Variants in TYK2 observed in about 807,000 individuals in gnomAD.
TYK2 encodes the protein tyrosine kinase 2.
TYK2 carries 65 observed loss-of-function variants against 130.9 expected under a neutral mutation model. The ratio of observed to expected loss-of-function variants is 0.50; its 90% confidence interval spans 0.41 to 0.61. The LOEUF (loss-of-function observed/expected upper bound fraction) is 0.61, where lower values mean the gene tolerates loss of function less well. Among genes scored for constraint, TYK2 ranks in the 20% least tolerant of loss-of-function variants. The probability of loss-of-function intolerance (pLI) is 0.00; values close to 1 mark genes in which losing one functional copy is unlikely to be tolerated. For missense variants in TYK2, 1,378 were observed against 1,610.7 expected (o/e 0.86, Z 2.47); for synonymous variants, 647 against 658.9 (o/e 0.98, Z 0.28).
Position 10,368,095 on chromosome 19 carries a change from T to C in TYK2, c.425A>G (p.Gln142Arg). 1 of 1,614,062 alleles carries C rather than the reference T, an allele frequency of 6.2e-7. No individual in the cohort carries two copies. Among genetic ancestry groups the C allele is most frequent in the Non-Finnish European group, 8.5e-7 (1 of 1,179,996 alleles). ...ASSDQTAQGM[Q>R]LLDPASFEYL... ...CTCAAATGAGGCTGGGTCCAGGAGT[T>C]GCATCCCCTGTGCTGTCTGATCTGA... Residue 142 changes from glutamine (Q) to arginine (R), a missense_variant, in exon 5 of 25, where the codon CAA becomes CGA. Transcript: ENST00000525621.
At position 10,361,104 on chromosome 19, in the gene TYK2, C is replaced by T. The variant is rs796400616; in HGVS notation, c.2047+407G>A. ...GAGGAAAGGAAGAGGTGGGGTTAGGCAGGGTTGGATGTGCAGGGGCTGAGG... is the reference window on the plus strand; with the variant it reads ...GAGGAAAGGAAGAGGTGGGGTTAGGTAGGGTTGGATGTGCAGGGGCTGAGG... On this transcript the variant is annotated intron_variant, in intron 14 of 24. Coordinates refer to ENST00000525621, the MANE Select transcript of TYK2 (RefSeq NM_003331.5). This position sits in a 1 kb window ranked among gnomAD's most constrained non-coding sequence, Gnocchi z 4.0. The T allele has an allele frequency of 2.5e-5, 12 of 486,088 alleles. No homozygotes were observed. The highest frequency in any genetic ancestry group is 2.3e-4 in the African/African-American group (12 of 51,402). The allele number at this position is 486,088 out of a possible 1,614,324, so 30.1% of individuals were successfully genotyped here. A position where few individuals can be genotyped will look rare whatever the true frequency, so the allele number is the denominator to read the frequency against.
intron 2 of TYK2, among the ~76,000 whole-genome samples, chr19:10,378,834 TA>T: frequency 1.7e-4 from 1 of 5,800 alleles, no homozygotes; most frequent in East Asian, 3.3e-3. Flanking sequence ...TTTTATTTTA[TA>T]TCTTATCTTA....
intron 3 of TYK2, among the ~76,000 whole-genome samples, chr19:10,375,364 T>C (rs1025270690): frequency 4.6e-5 from 7 of 152,036 alleles, no homozygotes; most frequent in South Asian, 4.1e-4. Context: ...ACGCCTGTAA[T>C]CCCAGCACTT....
chr19:10,352,614 G>T, intron 22 of TYK2, 63 bp from the exon 23 acceptor site: 1 of 860,846 alleles, frequency 1.2e-6, no homozygotes, highest in Non-Finnish European at 1.9e-6. Context: ...ATCAGACCAG[G>T]CTGAAGCCCT....
intron 17 of TYK2, chr19:10,357,553 C>T (rs2041160935): frequency 2.7e-6 from 2 of 740,890 alleles, no homozygotes; most frequent in South Asian, 2.9e-5. Flanking sequence ...CTCTTACTTG[C>T]CTTCTGTGTG....
chr19:10,358,294 GTTTTTTTTTTTTT>G (rs770531180), intron 15 of TYK2, among the ~76,000 whole-genome samples, 156 bp from the exon 16 acceptor site: 1 of 91,442 alleles, frequency 1.1e-5, no homozygotes, highest in Non-Finnish European at 2.2e-5. Flanking sequence ...TTTTTTTCTT[GTTTTTTTTTTTTT>G]TTTTTTTTTT....
At position 10,362,391 on chromosome 19, in the gene TYK2, G is replaced by C; in HGVS notation, c.1542C>G (p.Phe514Leu). 1 of 1,613,806 alleles carries C rather than the reference G, an allele frequency of 6.2e-7. No individual in the cohort carries two copies. The highest frequency in any genetic ancestry group is 8.5e-7 in the Non-Finnish European group (1 of 1,179,878). The change falls in exon 11 of 25, where the codon TTC becomes TTG. Residue 514 changes from phenylalanine (F) to leucine (L), a missense_variant. Coordinates refer to ENST00000525621, the MANE Select transcript of TYK2 (RefSeq NM_003331.5). ...AGGACCGGCCCCAGCCCTCCAGCACGAAGGCCCCGTCCTGCTGCTCAATGG... is the reference window on the plus strand; with the variant it reads ...AGGACCGGCCCCAGCCCTCCAGCACCAAGGCCCCGTCCTGCTGCTCAATGG... ...KFPIEQQDGA[F>L]VLEGWGRSFP...
intron 2 of TYK2, among the ~76,000 whole-genome samples, chr19:10,379,354 AAAT>A (rs1411474057): frequency 6.7e-6 from 1 of 150,214 alleles, no homozygotes; most frequent in Non-Finnish European, 1.5e-5. Flanking sequence ...ATAAATAAAT[AAAT>A]AAGTAATAAA....
Position 10,368,216 on chromosome 19 carries a change from G to A in TYK2, c.318-14C>T, listed in dbSNP as rs2041754788. The A allele has an allele frequency of 6.2e-7, 1 of 1,613,970 alleles. No homozygotes were observed. The highest frequency in any genetic ancestry group is 1.7e-5 in the Admixed American group (1 of 59,962). On this transcript the variant is annotated splice_polypyrimidine_tract_variant and intron_variant, in intron 4 of 24. Coordinates refer to ENST00000525621, the MANE Select transcript of TYK2 (RefSeq NM_003331.5). Reference sequence around the variant, plus strand: ...CGGAAATAAAACCTGCAGGAAGGAGGGACGCAGCTGGGGCTTAGCACAGAG... The same window carrying A: ...CGGAAATAAAACCTGCAGGAAGGAGAGACGCAGCTGGGGCTTAGCACAGAG...
At chr19:10,376,619 T>C (rs2042129959) in intron 3 of TYK2, among the ~76,000 whole-genome samples, 1 of 127,348 alleles carries the variant, frequency 7.9e-6, no homozygotes, top group Non-Finnish European at 1.7e-5. Context: ...TTTTTTATTT[T>C]TGAAACGGAG....
chr19:10,354,475 C>T, intron 19 of TYK2, 37 bp downstream of exon 19: 2 of 1,585,774 alleles, frequency 1.3e-6, no homozygotes, highest in African/African-American at 1.3e-5. Flanking sequence ...CCTTCCCGAC[C>T]AGGCGGGCCT....
At chr19:10,359,383 G>A in intron 14 of TYK2, 81 bp from the exon 15 acceptor site, 2 of 1,545,846 alleles carry the variant, frequency 1.3e-6, no homozygotes, top group Non-Finnish European at 1.8e-6. Context: ...ACGCCAGGGA[G>A]GGACTTGGCA....
Position 10,365,870 on chromosome 19 carries a change from G to C in TYK2, c.658C>G (p.Arg220Gly). The change falls in exon 7 of 25, where the codon CGC becomes GGC. Residue 220 changes from arginine (R) to glycine (G), a missense_variant. Transcript: ENST00000525621. The part of the protein sequence containing the change: ...SFKDCIPRSF[R>G]RHIRQHSALT... ...GCGCTGTGCTGCCGGATATGCCGGC[G>C]GAAGGAGCGCGGGATGCAGTCCTTG... 6.2e-7 allele frequency: 1 copy of C among 1,611,720 alleles called. No individual in the cohort carries two copies. The highest frequency in any genetic ancestry group is 8.5e-7 in the Non-Finnish European group (1 of 1,179,374).
chr19:10,362,515 C>T, intron 10 of TYK2, 34 bp downstream of exon 10: 2 of 1,555,384 alleles, frequency 1.3e-6, no homozygotes, highest in Non-Finnish European at 1.7e-6. Flanking sequence ...GGAACGTGTC[C>T]AGCCCCAGCC....
Position 10,353,963 on chromosome 19 carries a change from A to G in TYK2, c.2908+79T>C, listed in dbSNP as rs952288870. 1.4e-5 allele frequency: 21 copies of G among 1,459,854 alleles called. No homozygotes were observed. The highest frequency in any genetic ancestry group is 1.4e-4 in the African/African-American group (10 of 71,744). 90.4% of individuals were successfully genotyped at this position (1,459,854 alleles called of 1,614,324 possible). Reference sequence around the variant, plus strand: ...GAGAGTCTCTAATTGGCTAGGCCAGACTGGCCCCGCCCACAAGGCCACACC... The same window carrying G: ...GAGAGTCTCTAATTGGCTAGGCCAGGCTGGCCCCGCCCACAAGGCCACACC... On this transcript the variant is annotated intron_variant, in intron 20 of 24. Transcript: ENST00000525621. The surrounding 1 kb of genome is among the most constrained non-coding windows in gnomAD (Gnocchi z 6.9).
intron 3 of TYK2, chr19:10,369,936 T>TG (rs1396486120): frequency 6.0e-6 from 2 of 331,336 alleles, no homozygotes; most frequent in Middle Eastern, 1.1e-3. Flanking sequence ...CCCAGCTACT[T>TG]GGGAGGCTGA....
At chr19:10,368,569 C>T (rs1458528176) in intron 3 of TYK2, 151 bp from the exon 4 acceptor site, 1 of 1,126,998 alleles carries the variant, frequency 8.9e-7, no homozygotes, top group Non-Finnish European at 1.3e-6. Context: ...GGGCAGAGGA[C>T]AGTGCGTATG....
intron 14 of TYK2, among the ~76,000 whole-genome samples, chr19:10,359,895 G>A (rs1031895995): frequency 2.0e-5 from 3 of 151,694 alleles, no homozygotes; most frequent in Non-Finnish European, 4.4e-5. Context: ...GGTGGGCGCC[G>A]GTAGTCCCAG....
chr19:10,374,668 A>G (rs1473994009), intron 3 of TYK2, among the ~76,000 whole-genome samples: 1 of 150,866 alleles, frequency 6.6e-6, no homozygotes, highest in African/African-American at 2.4e-5. Flanking sequence ...CAGGGGGAAC[A>G]GCATGCATGT....
Sources: allele counts gnomAD v4.1 joint callset (sites outside exome capture counted in the v4.1 genomes callset), GRCh38; gene constraint gnomAD v4.1.1; non-coding constraint Gnocchi (gnomAD v3.1); transcripts MANE v1.5; gene names NCBI Gene and HGNC (gene_info 2026-07-23, HGNC 2026-07-21).